RBPJ: variants seen among roughly 807,000 people sequenced by gnomAD.
The protein encoded by RBPJ is recombining binding protein suppressor of hairless.
A neutral mutation model predicts 67.8 loss-of-function variants in RBPJ; 9 were observed. The observed-to-expected ratio is 0.13, with a 90% CI of 0.08 to 0.23. RBPJ has a LOEUF of 0.23. Ranked by LOEUF, RBPJ falls within the 10% of genes least tolerant of loss-of-function variation. The pLI, the probability that RBPJ is intolerant of heterozygous loss-of-function variation, is 1.00. For synonymous variants in RBPJ, 198 were observed against 203.3 expected (o/e 0.97, Z 0.22); for missense variants, 305 against 595.6 (o/e 0.51, Z 5.08).
chr4:26,140,834 C>CAAATAAAT, the RBPJ span, among the ~76,000 whole-genome samples: 16,529 of 138,266 alleles, frequency 0.12, 1,115 homozygotes, highest in Middle Eastern at 0.16. Context: ...GACCCTTCCA[C>CAAATAAAT]AAATAAATAA....
Position 26,195,059 on chromosome 4 carries a change from G to A in RBPJ, c.-167+31445G>A, listed in dbSNP as rs138925293. 2.0e-3 allele frequency among the ~76,000 whole-genome samples: 312 copies of A among 152,250 alleles called. 1 individual carries two copies. The highest frequency in any genetic ancestry group is 7.1e-3 in the African/African-American group (296 of 41,552). ...AGTGAGTTTATTTATAAATGAATACGTGTTTATCTGGGAGATTAATAAAAA... is the reference window on the plus strand; with the variant it reads ...AGTGAGTTTATTTATAAATGAATACATGTTTATCTGGGAGATTAATAAAAA... On this transcript the variant is annotated intron_variant, in intron 1 of 4. Coordinates refer to the RBPJ transcript ENST00000512351.
At chr4:26,160,569 G>T (rs1279293483), upstream of RBPJ, among the ~76,000 whole-genome samples, 1 of 152,170 alleles carries the variant, frequency 6.6e-6, no homozygotes, top group Non-Finnish European at 1.5e-5. Context: ...CATCTCAGAG[G>T]CTTAAAACAA....
intron 1 of RBPJ, among the ~76,000 whole-genome samples, chr4:26,312,871 G>C (rs1173014701): frequency 6.6e-6 from 1 of 151,998 alleles, no homozygotes. Context: ...CCACGAGGCA[G>C]TTCTGCTGTT....
At chr4:26,342,807 A>G (rs1725683576) in intron 1 of RBPJ, among the ~76,000 whole-genome samples, 2 of 152,150 alleles carry the variant, frequency 1.3e-5, no homozygotes, top group African/African-American at 4.8e-5. Context: ...ACTTTTCTTC[A>G]GTGTAATGGT....
In RBPJ at chr4:26,366,272, GT is replaced by G. The variant is rs537123590; in HGVS notation, c.21-20072del. 3.6e-4 allele frequency among the ~76,000 whole-genome samples: 54 copies of G among 150,164 alleles called. No individual in the cohort carries two copies. In the East Asian group the frequency reaches 9.7e-3, roughly 27 times the overall value. ...TAAGACAAATATTACCAGATCAGTAGTTTTTTTTTGTTTTGTTTTGTTTTGT... is the reference window on the plus strand; with the variant it reads ...TAAGACAAATATTACCAGATCAGTAGTTTTTTTTGTTTTGTTTTGTTTTGT... On this transcript the variant is annotated intron_variant, in intron 1 of 10. Transcript: ENST00000355476.
chr4:26,168,383 G>C (rs562062420), intron 1 of RBPJ, among the ~76,000 whole-genome samples: 1 of 152,294 alleles, frequency 6.6e-6, no homozygotes, highest in African/African-American at 2.4e-5. Context: ...TTTTCTTTAA[G>C]AATGTTGAAT....
At chr4:26,394,061 C>CAGAG (rs1731840334) in intron 2 of RBPJ, among the ~76,000 whole-genome samples, 1 of 145,492 alleles carries the variant, frequency 6.9e-6, no homozygotes, top group South Asian at 2.1e-4. Flanking sequence ...GAGTCTCACT[C>CAGAG]TGTTGCCCAG....
chr4:26,328,850 A>G (rs905485815), intron 1 of RBPJ, among the ~76,000 whole-genome samples: 4 of 151,986 alleles, frequency 2.6e-5, no homozygotes, highest in South Asian at 2.1e-4. Context: ...CAGCCTTGCT[A>G]TGTTTTCCAG....
intron 1 of RBPJ, among the ~76,000 whole-genome samples, chr4:26,270,381 G>GAAAGAAAGAAAGAAAGAAAGAAAGAA (rs1720848112): frequency 1.8e-4 from 9 of 49,422 alleles, no homozygotes; most frequent in South Asian, 7.5e-4. Flanking sequence ...AAGAAAGAAA[G>GAAAGAAAGAAAGAAAGAAAGAAAGAA]AAAGAAAGAA....
chr4:26,291,280 T>G (rs1721658276), intron 1 of RBPJ, among the ~76,000 whole-genome samples: 1 of 151,004 alleles, frequency 6.6e-6, no homozygotes, highest in Non-Finnish European at 1.5e-5. Flanking sequence ...CAACAGGATA[T>G]TGTTCAGTAT....
intron 1 of RBPJ, among the ~76,000 whole-genome samples, chr4:26,259,919 C>G (rs890719655): frequency 2.0e-5 from 3 of 152,322 alleles, no homozygotes; most frequent in South Asian, 4.1e-4. Flanking sequence ...TTTCATGAAG[C>G]ATCTGTGATT....
At chr4:26,360,899 C>T (rs1009475395) in intron 1 of RBPJ, among the ~76,000 whole-genome samples, 3 of 150,920 alleles carry the variant, frequency 2.0e-5, no homozygotes, top group Non-Finnish European at 2.9e-5. Context: ...CGTGAGCCAC[C>T]GCTCCCGGCC....
chr4:26,198,795 G>T (rs1215918991), intron 1 of RBPJ, among the ~76,000 whole-genome samples: 2 of 152,312 alleles, frequency 1.3e-5, no homozygotes, highest in Non-Finnish European at 1.5e-5. Flanking sequence ...TGCTTGAGAA[G>T]TATTTGTTGA....
chr4:26,154,484 C>T, the RBPJ span, among the ~76,000 whole-genome samples: 4 of 152,178 alleles, frequency 2.6e-5, no homozygotes, highest in Non-Finnish European at 5.9e-5. Flanking sequence ...CCCTTTGCTC[C>T]TAACCTCCCT....
chr4:26,171,341 G>T (rs1183322501), intron 1 of RBPJ, among the ~76,000 whole-genome samples: 1 of 150,750 alleles, frequency 6.6e-6, no homozygotes, highest in Non-Finnish European at 1.5e-5. Context: ...AGTATACAAG[G>T]TATCACTGTA....
chr4:26,136,248 G>C, the RBPJ span, among the ~76,000 whole-genome samples: 1 of 152,146 alleles, frequency 6.6e-6, no homozygotes, highest in Admixed American at 6.5e-5. Context: ...CATGGACCCA[G>C]CTTCACAATC....
intron 1 of RBPJ, among the ~76,000 whole-genome samples, chr4:26,168,654 A>G (rs1229042209): frequency 3.3e-5 from 5 of 152,316 alleles, no homozygotes; most frequent in Non-Finnish European, 7.3e-5. Flanking sequence ...CCTGGATAAT[A>G]TCCTGCAGTG....
rs143626271 is a variant in RBPJ at position 26,327,096 on chromosome 4, T to C, written c.20+6048T>C. Reference sequence around the variant, plus strand: ...GCTGCTACTATCTCTCAGACTCTTATCCTGCCCACAGTTCTGTATGCCTCT... The same window carrying C: ...GCTGCTACTATCTCTCAGACTCTTACCCTGCCCACAGTTCTGTATGCCTCT... On this transcript the variant is annotated intron_variant, in intron 1 of 10. Transcript: ENST00000355476. Among the ~76,000 whole-genome samples, 6 of 152,286 alleles carry C rather than the reference T, an allele frequency of 3.9e-5. No homozygotes were observed. In the East Asian group the frequency reaches 5.8e-4, roughly 15 times the overall value.
At chr4:26,268,464 T>C (rs1012050464) in intron 1 of RBPJ, among the ~76,000 whole-genome samples, 8 of 152,196 alleles carry the variant, frequency 5.3e-5, no homozygotes, top group Non-Finnish European at 1.2e-4. Flanking sequence ...GGGCTTTTTC[T>C]TCAGGCCCAA....
Sources: gnomAD v4.1 joint callset for allele counts (sites outside exome capture counted in the v4.1 genomes callset) on GRCh38, gnomAD v4.1.1 for gene constraint, MANE v1.5 for transcripts, NCBI Gene and HGNC (gene_info 2026-07-23, HGNC 2026-07-21) for gene names.